TTC7A: variants seen among roughly 807,000 people sequenced by gnomAD.
The protein encoded by TTC7A is tetratricopeptide repeat protein 7A.
TTC7A carries 110 observed loss-of-function variants against 103.7 expected under a neutral mutation model. The ratio of observed to expected loss-of-function variants is 1.06; its 90% CI spans 0.91 to 1.24. The LOEUF (loss-of-function observed/expected upper bound fraction) is 1.24. Ranked by LOEUF, TTC7A falls within the 50% of genes most tolerant of loss-of-function variation. TTC7A has a pLI of 0.00. For missense variants in TTC7A, 1,340 were observed against 1,116.3 expected, an observed-to-expected ratio of 1.20 and a Z score of -2.86; for synonymous variants, 521 against 467.9, an observed-to-expected ratio of 1.11 and a Z score of -1.47.
chr2:47,068,278 GCAGGGTACCGGGTT>G (rs1460610993), intron 19 of TTC7A: 1 of 152,234 alleles, frequency 6.6e-6, no homozygotes, highest in African/African-American at 2.4e-5. Context: ...TGCACAAACA[GCAGGGTACCGGGTT>G]CCTGGGGCCA....
intron 2 of TTC7A, chr2:46,951,872 G>T: frequency 2.9e-6 from 1 of 345,788 alleles, no homozygotes; most frequent in South Asian, 2.2e-5. Context: ...GGGAAGATAA[G>T]TCCTATCAGC....
rs868627207 is a variant in TTC7A at position 46,941,298 on chromosome 2, A to G, written c.-244A>G. On this transcript the variant is annotated 5_prime_UTR_variant, in exon 1 of 20. Coordinates refer to ENST00000319190, the MANE Select transcript of TTC7A (RefSeq NM_020458.4). This position sits in a 1 kb window ranked among gnomAD's most constrained non-coding sequence, Gnocchi z 4.2. ...CAGCAGAGGCGGAGGTTGCTCCTGT[A>G]CGCGTACGGGCCGCTCGGCCGGAGC... 9 of 177,224 alleles carry G rather than the reference A, an allele frequency of 5.1e-5. No individual in the cohort carries two copies. Among genetic ancestry groups the G allele is most frequent in the Admixed American group, 1.3e-4 (2 of 15,732 alleles). 11.0% of individuals were successfully genotyped at this position (177,224 alleles called of 1,614,324 possible).
intron 2 of TTC7A, among the ~76,000 whole-genome samples, chr2:46,954,363 G>A (rs577419654): frequency 6.6e-5 from 10 of 152,216 alleles, no homozygotes; most frequent in Admixed American, 2.0e-4. Flanking sequence ...TTCCCTGACT[G>A]TTGTACTGAT....
At chr2:46,970,955 G>T (rs900018571) in intron 3 of TTC7A, among the ~76,000 whole-genome samples, 1 of 152,242 alleles carries the variant, frequency 6.6e-6, no homozygotes, top group African/African-American at 2.4e-5. Context: ...TCACACCCCA[G>T]CCTGGCAAAG....
upstream of TTC7A, among the ~76,000 whole-genome samples, chr2:46,939,826 G>A (rs1413929091): frequency 6.6e-6 from 1 of 152,216 alleles, no homozygotes; most frequent in Non-Finnish European, 1.5e-5. Flanking sequence ...GCCAGCTTGA[G>A]GAGTTGACTG....
Position 47,042,253 on chromosome 2 carries a change from A to G in TTC7A, c.1803-4062A>G, listed in dbSNP as rs548607335. 2.6e-5 allele frequency among the ~76,000 whole-genome samples: 4 copies of G among 152,278 alleles called. No homozygotes were observed. In the East Asian group the frequency reaches 7.7e-4, roughly 29 times the overall value. ...AGTGTGGCTAATGCCTGTAATCCCA[A>G]TGCTTTGGGAGGTTGAGGCAGGAGG... On this transcript the variant is annotated intron_variant, in intron 15 of 19. Coordinates refer to ENST00000319190, the MANE Select transcript of TTC7A (RefSeq NM_020458.4).
At chr2:47,044,002 A>G (rs550900013) in intron 15 of TTC7A, among the ~76,000 whole-genome samples, 16 of 152,296 alleles carry the variant, frequency 1.1e-4, no homozygotes, top group African/African-American at 3.6e-4. Flanking sequence ...CGGGGAATGC[A>G]GCAGGGCTGG....
chr2:47,005,032 G>A (rs1040933244), intron 8 of TTC7A, among the ~76,000 whole-genome samples: 4 of 152,156 alleles, frequency 2.6e-5, no homozygotes, highest in African/African-American at 7.2e-5. Context: ...AGAATTTCCC[G>A]CTCATACAGC....
At chr2:47,058,207 C>CTAG (rs764979925) in intron 18 of TTC7A, among the ~76,000 whole-genome samples, 16 of 152,210 alleles carry the variant, frequency 1.1e-4, no homozygotes, top group Non-Finnish European at 1.8e-4. Flanking sequence ...TCCCCAGGGA[C>CTAG]TAGAGCCCGC....
chr2:47,057,872 C>T (rs1683446245), intron 18 of TTC7A, among the ~76,000 whole-genome samples: 3 of 152,226 alleles, frequency 2.0e-5, no homozygotes, highest in Non-Finnish European at 4.4e-5. Context: ...GTGCCCATAA[C>T]ACTCAGATGT....
intron 2 of TTC7A, among the ~76,000 whole-genome samples, chr2:46,934,784 G>GCT (rs1199838704): frequency 0.019 from 1,574 of 81,866 alleles, 242 homozygotes; most frequent in East Asian, 0.037. Flanking sequence ...GAAGACTACT[G>GCT]CTCTTTTTTT....
chr2:46,985,830 T>G (rs897798858), intron 5 of TTC7A, among the ~76,000 whole-genome samples: 1 of 152,190 alleles, frequency 6.6e-6, no homozygotes, highest in African/African-American at 2.4e-5. Flanking sequence ...TTAAATGCAT[T>G]TGTTGTTAGG....
At chr2:46,940,308 C>G (rs1442694199), upstream of TTC7A, among the ~76,000 whole-genome samples, 2 of 152,174 alleles carry the variant, frequency 1.3e-5, no homozygotes, top group East Asian at 3.9e-4. This position sits in a 1 kb window ranked among gnomAD's most constrained non-coding sequence, Gnocchi z 4.7. Context: ...TCAGTCTGGA[C>G]CATACAATGT....
chr2:46,946,961 G>T (rs1373169184), intron 1 of TTC7A, among the ~76,000 whole-genome samples: 1 of 152,120 alleles, frequency 6.6e-6, no homozygotes, highest in African/African-American at 2.4e-5. Context: ...TGAGTTGGGG[G>T]CTGAAAGGGG....
intron 18 of TTC7A, 35 bp from the exon 19 acceptor site, chr2:47,060,734 C>T: frequency 6.4e-7 from 1 of 1,563,294 alleles, no homozygotes; most frequent in Non-Finnish European, 8.7e-7. Flanking sequence ...GACTCCCCAC[C>T]ACTCACACCT....
intron 3 of TTC7A, among the ~76,000 whole-genome samples, chr2:46,959,650 A>G (rs1672203716): frequency 6.6e-6 from 1 of 152,114 alleles, no homozygotes; most frequent in African/African-American, 2.4e-5. Context: ...CTCTTTCCCC[A>G]TCAGAGCAGA....
Position 47,060,886 on chromosome 2 carries a change from T to C in TTC7A, c.2270T>C (p.Val757Ala), listed in dbSNP as rs1573067677. The C allele has an allele frequency of 6.2e-7, 1 of 1,614,126 alleles. No homozygotes were observed. The highest frequency in any genetic ancestry group is 8.5e-7 in the Non-Finnish European group (1 of 1,180,002). The change falls in exon 19 of 20, where the codon GTG becomes GCG. Residue 757 changes from valine to alanine, a missense_variant. Coordinates refer to ENST00000319190, the MANE Select transcript of TTC7A (RefSeq NM_020458.4). ...TATATGCGGGGCCGGCTGGCTGAGG[T>C]GAAGGGCAACCTGGAGGAGGCCAAG... ...VLYMRGRLAEVKGNLEEAKQL... is the reference protein window; with the variant it reads ...VLYMRGRLAEAKGNLEEAKQL...
intron 11 of TTC7A, among the ~76,000 whole-genome samples, chr2:47,017,682 C>T (rs892062326): frequency 3.3e-5 from 5 of 152,120 alleles, no homozygotes; most frequent in African/African-American, 4.8e-5. Flanking sequence ...GTGGACTGTG[C>T]GGGCCTGCGG....
At position 47,046,397 on chromosome 2, in the gene TTC7A, C is replaced by A. The variant is rs747809047; in HGVS notation, c.1885C>A (p.Leu629Met). ...ALVTCRQVLR[L>M]WQTLYSFSQL... ...CGTGACCTGCAGACAAGTGCTGAGGCTGTGGCAGACCCTGTACAGCTTCTC... is the reference window on the plus strand; with the variant it reads ...CGTGACCTGCAGACAAGTGCTGAGGATGTGGCAGACCCTGTACAGCTTCTC... The change falls in exon 16 of 20, where the codon CTG becomes ATG. Residue 629 changes from leucine to methionine, a missense_variant. Leu to Met is a conservative substitution (Grantham distance 15). Transcript: ENST00000319190. The A allele has an allele frequency of 2.2e-5, 35 of 1,614,060 alleles. 1 individual carries two copies. In the South Asian group the frequency reaches 3.7e-4, roughly 17 times the overall value.
Sources: gnomAD v4.1 joint callset for allele counts (sites outside exome capture counted in the v4.1 genomes callset) on GRCh38, gnomAD v4.1.1 for gene constraint, Gnocchi (gnomAD v3.1) non-coding constraint, MANE v1.5 for transcripts, NCBI Gene and HGNC (gene_info 2026-07-23, HGNC 2026-07-21) for gene names.